Variants in UBE2W observed in about 807,000 individuals in gnomAD.
The protein encoded by UBE2W is ubiquitin-conjugating enzyme E2 W.
A neutral mutation model predicts 27.2 loss-of-function variants in UBE2W; 18 were observed. The ratio of observed to expected loss-of-function variants is 0.66; its 90% CI spans 0.46 to 0.98. The LOEUF (loss-of-function observed/expected upper bound fraction) is 0.98, where lower values mean the gene tolerates loss of function less well. Among genes scored for constraint, UBE2W ranks in the 50% least tolerant of loss-of-function variants. UBE2W has a pLI of 0.00. For synonymous variants in UBE2W, 53 were observed against 57.2 expected (o/e 0.93, Z 0.33); for missense variants, 90 against 180.2 (o/e 0.50, Z 2.87).
chr8:73,819,442 T>C (rs1563590081), intron 3 of UBE2W, among the ~76,000 whole-genome samples: 1 of 152,248 alleles, frequency 6.6e-6, no homozygotes, highest in Non-Finnish European at 1.5e-5. Flanking sequence ...GATTATAAAC[T>C]GTTTAAAGGC....
At chr8:73,841,873 G>GA (rs1303047332) in intron 1 of UBE2W, among the ~76,000 whole-genome samples, 1 of 152,020 alleles carries the variant, frequency 6.6e-6, no homozygotes, top group African/African-American at 2.4e-5. Flanking sequence ...CAAGAAAATG[G>GA]GCAAAGAGAC....
intron 1 of UBE2W, among the ~76,000 whole-genome samples, chr8:73,837,460 C>T (rs1810356282): frequency 6.6e-6 from 1 of 151,968 alleles, no homozygotes; most frequent in Non-Finnish European, 1.5e-5. Context: ...TTCCAGTGAG[C>T]CAAGATCGTG....
In UBE2W at chr8:73,788,353, T is replaced by C. The variant is rs1435684664; in HGVS notation, c.*5749A>G. 3.7e-5 allele frequency: 36 copies of C among 985,304 alleles called. No homozygotes were observed. Among genetic ancestry groups the C allele is most frequent in the Non-Finnish European group, 4.3e-5 (36 of 829,930 alleles). The allele number at this position is 985,304 out of a possible 1,614,324, so 61.0% of individuals were successfully genotyped here. On this transcript the variant is annotated 3_prime_UTR_variant, in exon 6 of 6. Coordinates refer to ENST00000602593, the MANE Select transcript of UBE2W (RefSeq NM_018299.6). Reference sequence around the variant, plus strand: ...TCAAATCCTCAAGCATGAGCTTTCATTCCTATTAATAAAATGCACACTCTG... The same window carrying C: ...TCAAATCCTCAAGCATGAGCTTTCACTCCTATTAATAAAATGCACACTCTG...
Position 73,790,300 on chromosome 8 carries a change from AACAAT to A in UBE2W, c.*3797_*3801del, listed in dbSNP as rs1363709659. On this transcript the variant is annotated 3_prime_UTR_variant, in exon 6 of 6. Transcript: ENST00000602593. ...GAAGAAAAATAAAGGACAGATTTAAAACAATTTAAAAAGGACTACAAAGAGGATTG... is the reference window on the plus strand; with the variant it reads ...GAAGAAAAATAAAGGACAGATTTAAATTAAAAAGGACTACAAAGAGGATTG... The A allele has an allele frequency of 5.1e-6, 5 of 985,296 alleles. No homozygotes were observed. In the African/African-American group the frequency reaches 8.7e-5, roughly 17 times the overall value. 61.0% of individuals were successfully genotyped at this position (985,296 alleles called of 1,614,324 possible).
At chr8:73,803,742 A>G (rs1014708115) in intron 5 of UBE2W, among the ~76,000 whole-genome samples, 2 of 150,246 alleles carry the variant, frequency 1.3e-5, no homozygotes, top group Non-Finnish European at 3.0e-5. Flanking sequence ...CAGGAACAGC[A>G]TATTTCTTTG....
chr8:73,818,297 A>G (rs1809474913), intron 3 of UBE2W, among the ~76,000 whole-genome samples: 1 of 152,124 alleles, frequency 6.6e-6, no homozygotes, highest in South Asian at 2.1e-4. Context: ...AAACATGACC[A>G]CCTTCCAAAA....
chr8:73,817,200 C>T (rs1045859610), intron 3 of UBE2W, among the ~76,000 whole-genome samples: 4 of 151,752 alleles, frequency 2.6e-5, no homozygotes, highest in Non-Finnish European at 4.4e-5. Context: ...TGGTGGTGCA[C>T]GCTTGTAATC....
At chr8:73,863,827 C>T (rs913061032) in intron 1 of UBE2W, among the ~76,000 whole-genome samples, 2 of 151,488 alleles carry the variant, frequency 1.3e-5, no homozygotes, top group African/African-American at 2.4e-5. Flanking sequence ...TAAATCATAA[C>T]GTGGGGATGG....
In UBE2W at chr8:73,825,202, T is replaced by G; in HGVS notation, c.155A>C (p.Glu52Ala). ...AAATTTAAATAGAAGTTGAAATTTTTCCCCTTCATATAAGGTACCTGGTGC... is the reference window on the plus strand; with the variant it reads ...AAATTTAAATAGAAGTTGAAATTTTGCCCCTTCATATAAGGTACCTGGTGC... Reference protein sequence around the residue: ...EGAPGTLYEGEKFQLLFKFSS... With the variant: ...EGAPGTLYEGAKFQLLFKFSS... Residue 52 changes from glutamate (E) to alanine (A), a missense_variant, in exon 3 of 6, where the codon GAA becomes GCA. Transcript: ENST00000602593. 1 of 1,564,024 alleles carries G rather than the reference T, an allele frequency of 6.4e-7. No individual in the cohort carries two copies. Among genetic ancestry groups the G allele is most frequent in the Non-Finnish European group, 8.7e-7 (1 of 1,152,718 alleles).
chr8:73,859,089 C>A (rs1811435553), intron 1 of UBE2W, among the ~76,000 whole-genome samples: 1 of 151,940 alleles, frequency 6.6e-6, no homozygotes, highest in Non-Finnish European at 1.5e-5. Context: ...AGCTGACCCT[C>A]AACAACACAG....
Position 73,792,271 on chromosome 8 carries a change from A to T in UBE2W, c.*1831T>A, listed in dbSNP as rs987904257. On this transcript the variant is annotated 3_prime_UTR_variant, in exon 6 of 6. Coordinates refer to ENST00000602593, the MANE Select transcript of UBE2W (RefSeq NM_018299.6). ...TAGTCAAGATAGAACAAAAACGGTTATAATTTTTTAAAAGTGGTAATTGTT... is the reference window on the plus strand; with the variant it reads ...TAGTCAAGATAGAACAAAAACGGTTTTAATTTTTTAAAAGTGGTAATTGTT... 25 of 985,606 alleles carry T rather than the reference A, an allele frequency of 2.5e-5. No individual in the cohort carries two copies. In the African/African-American group the frequency reaches 4.2e-4, roughly 17 times the overall value. 61.1% of individuals were successfully genotyped at this position (985,606 alleles called of 1,614,324 possible). A position where few individuals can be genotyped will look rare whatever the true frequency, so the allele number is the denominator to read the frequency against.
chr8:73,805,453 T>TCAAAAAAAAAAACAAAAA (rs1808834490), intron 5 of UBE2W, among the ~76,000 whole-genome samples, 198 bp downstream of exon 5: 1 of 706 alleles, frequency 1.4e-3, no homozygotes, highest in Non-Finnish European at 2.5e-3. Context: ...AAACTCCATC[T>TCAAAAAAAAAAACAAAAA]CAAAAAAAAA....
intron 1 of UBE2W, chr8:73,831,464 T>C (rs74704948): frequency 0.03 from 4,754 of 155,940 alleles, 228 homozygotes; most frequent in African/African-American, 0.1. Context: ...CCACATCCTC[T>C]GATGTTCCAG....
rs548427509 is a variant in UBE2W at position 73,807,037 on chromosome 8, G to A, written c.367-1311C>T. On this transcript the variant is annotated intron_variant, in intron 4 of 5. Coordinates refer to ENST00000602593, the MANE Select transcript of UBE2W (RefSeq NM_018299.6). ...GAAGAGACTTTTCCTGAAATTTGTT[G>A]CATACTGCCTAGACAAAAGAAAATG... 2.0e-5 allele frequency among the ~76,000 whole-genome samples: 3 copies of A among 152,214 alleles called. No homozygotes were observed. In the East Asian group the frequency reaches 5.8e-4, roughly 29 times the overall value.
chr8:73,856,357 A>ATTTTTTTTTTTTTTTTT (rs34593904), intron 1 of UBE2W, among the ~76,000 whole-genome samples: 1 of 89,344 alleles, frequency 1.1e-5, no homozygotes, highest in Non-Finnish European at 2.0e-5. Context: ...ACACTTATGA[A>ATTTTTTTTTTTTTTTTT]TTTTTTTTTT....
intron 1 of UBE2W, among the ~76,000 whole-genome samples, chr8:73,872,940 C>T (rs1322644929): frequency 7.1e-6 from 1 of 140,532 alleles, no homozygotes; most frequent in Non-Finnish European, 1.5e-5. Flanking sequence ...CTCACTCTGT[C>T]GCCCAGGCTG....
At chr8:73,874,848 A>G (rs1812152258) in intron 1 of UBE2W, among the ~76,000 whole-genome samples, 1 of 152,182 alleles carries the variant, frequency 6.6e-6, no homozygotes. Context: ...TGACTGCTTG[A>G]GCCCAGGAGT....
intron 1 of UBE2W, among the ~76,000 whole-genome samples, chr8:73,860,494 C>T (rs1485322025): frequency 6.6e-6 from 1 of 152,044 alleles, no homozygotes; most frequent in Non-Finnish European, 1.5e-5. Context: ...GCACTGCCCT[C>T]ATTGAGTTAA....
chr8:73,827,664 G>C (rs1386697847), intron 2 of UBE2W, among the ~76,000 whole-genome samples: 1 of 151,956 alleles, frequency 6.6e-6, no homozygotes, highest in Non-Finnish European at 1.5e-5. Context: ...CAAGTAGCTG[G>C]GACCACAGGT....
Sources: allele counts gnomAD v4.1 joint callset (sites outside exome capture counted in the v4.1 genomes callset), GRCh38; gene constraint gnomAD v4.1.1; transcripts MANE v1.5; gene names NCBI Gene and HGNC (gene_info 2026-07-23, HGNC 2026-07-21).